Variants in IPO8 observed in about 807,000 individuals in gnomAD.
IPO8 encodes importin-8.
Under a neutral mutation model 141.2 loss-of-function variants are expected in IPO8, and 65 were observed. The ratio of observed to expected loss-of-function variants is 0.46; its 90% CI spans 0.38 to 0.57. The LOEUF is 0.57. Ranked by LOEUF, IPO8 falls within the 20% of genes least tolerant of loss-of-function variation. The pLI is 0.00. For missense variants in IPO8, 980 were observed against 1,246.8 expected, an observed-to-expected ratio of 0.79 and a Z score of 3.22; for synonymous variants, 411 against 420.3, an observed-to-expected ratio of 0.98 and a Z score of 0.27.
intron 5 of IPO8, among the ~76,000 whole-genome samples, chr12:30,678,526 T>C (rs971066992): frequency 2.0e-5 from 3 of 152,202 alleles, no homozygotes; most frequent in Non-Finnish European, 4.4e-5. Context: ...TTTGTGTAAG[T>C]ACACTCTACA....
chr12:30,688,025 T>C (rs986535759), intron 2 of IPO8, among the ~76,000 whole-genome samples: 2 of 152,110 alleles, frequency 1.3e-5, no homozygotes, highest in African/African-American at 2.4e-5. Flanking sequence ...TCTCTCCTTC[T>C]CGTAGCAACT....
At chr12:30,674,337 C>T (rs139282652) in intron 7 of IPO8, among the ~76,000 whole-genome samples, 2,238 of 152,228 alleles carry the variant, frequency 0.015, 41 homozygotes, top group Non-Finnish European at 0.021. Context: ...TAAAATGTTA[C>T]AACTGACATA....
At chr12:30,664,481 T>C (rs1368351798) in intron 13 of IPO8, among the ~76,000 whole-genome samples, 1 of 152,212 alleles carries the variant, frequency 6.6e-6, no homozygotes, top group Non-Finnish European at 1.5e-5. Context: ...TCTAAAAGAA[T>C]ATACACATAG....
intron 5 of IPO8, among the ~76,000 whole-genome samples, chr12:30,680,111 T>C (rs1379457391): frequency 7.8e-6 from 1 of 127,766 alleles, no homozygotes; most frequent in East Asian, 1.9e-4. Context: ...ACTCCCTTCT[T>C]CTTTTCCTTC....
rs1591948784 is a variant in IPO8, at chr12:30,633,932, T to C, written c.2899+151A>G. ...TTATTTTAATTTCTATCATTTCATG[T>C]ATGTATGTTTGGGGATTTCTATCAT... is the stretch of plus-strand genomic sequence containing the variant. On this transcript the variant is annotated intron_variant, in intron 23 of 24. Coordinates refer to ENST00000256079, the MANE Select transcript of IPO8 (RefSeq NM_006390.4). 5 of 619,114 alleles carry C rather than the reference T, an allele frequency of 8.1e-6. No homozygotes were observed. In the Admixed American group the frequency reaches 1.5e-4, roughly 18 times the overall value. The allele number at this position is 619,114 out of a possible 1,614,324, so 38.4% of individuals were successfully genotyped here.
At chr12:30,677,101 C>T (rs956667982) in intron 5 of IPO8, 2 of 1,507,120 alleles carry the variant, frequency 1.3e-6, no homozygotes, top group African/African-American at 1.4e-5. Flanking sequence ...CCATTCAGTA[C>T]AAAACATGCT....
chr12:30,674,911 T>G (rs1382107167), intron 6 of IPO8, among the ~76,000 whole-genome samples, 158 bp from the exon 7 acceptor site: 1 of 152,174 alleles, frequency 6.6e-6, no homozygotes, highest in Non-Finnish European at 1.5e-5. Flanking sequence ...TAGGCAGGAA[T>G]TAAATAAGCA....
At chr12:30,639,233 T>A (rs2052544719) in intron 21 of IPO8, among the ~76,000 whole-genome samples, 1 of 151,946 alleles carries the variant, frequency 6.6e-6, no homozygotes, top group Non-Finnish European at 1.5e-5. Flanking sequence ...GACAACTAAT[T>A]CTTGTTGCCT....
chr12:30,652,452 G>A (rs2052741472), intron 18 of IPO8, among the ~76,000 whole-genome samples, 163 bp from the exon 19 acceptor site: 1 of 152,008 alleles, frequency 6.6e-6, no homozygotes, highest in Admixed American at 6.6e-5. Flanking sequence ...TTTATAGATG[G>A]GGAAAATGTG....
rs2052918460 is a variant in IPO8 at position 30,663,557 on chromosome 12, T to C, written c.1526A>G (p.Asp509Gly). ...TTCAACTTTGACAGGCATCTCTTTA[T>C]CTTCAATCAGGCTCTTCTTCGCTAA... ...VELAKKSLIE[D>G]KEMPVKVEAA... Residue 509 changes from aspartate to glycine, a missense_variant, in exon 14 of 25, where the codon GAT (aspartate) becomes GGT (glycine). By Grantham distance (94) the Asp-to-Gly change is moderately conservative. Transcript: ENST00000256079. 1.2e-6 allele frequency: 2 copies of C among 1,613,930 alleles called. No homozygotes were observed. The highest frequency in any genetic ancestry group is 1.7e-6 in the Non-Finnish European group (2 of 1,179,938).
At chr12:30,668,742 GC>G (rs2053004742) in intron 10 of IPO8, among the ~76,000 whole-genome samples, 1 of 152,140 alleles carries the variant, frequency 6.6e-6, no homozygotes, top group Non-Finnish European at 1.5e-5. Flanking sequence ...ACACAGTAGG[GC>G]CCCCATACGA....
intron 22 of IPO8, 82 bp from the exon 23 acceptor site, chr12:30,634,368 T>C (rs1278347187): frequency 1.2e-5 from 13 of 1,128,294 alleles, no homozygotes; most frequent in African/African-American, 1.6e-5. Context: ...CCAAAGACTA[T>C]AAAACTACAC....
rs1336220103 is a variant in IPO8 at position 30,680,154 on chromosome 12, T to C, written c.639+328A>G. Among the ~76,000 whole-genome samples the C allele has an allele frequency of 4.0e-5, 6 of 149,588 alleles. No homozygotes were observed. The East Asian group carries it at 1.2e-3, about 29-fold the overall frequency. ...CCTTCTTCTTTTCCTTCTTCTTCTC[T>C]TGTAATCATAACTAATCTATAGGCA... On this transcript the variant is annotated intron_variant, in intron 5 of 24. Transcript: ENST00000256079.
chr12:30,684,759 C>T (rs1172098476), intron 2 of IPO8, among the ~76,000 whole-genome samples: 2 of 152,190 alleles, frequency 1.3e-5, no homozygotes, highest in Admixed American at 1.3e-4. Context: ...TCATACTTTT[C>T]GCAATGCCTA....
chr12:30,694,498 AT>A (rs1347681139), intron 1 of IPO8, among the ~76,000 whole-genome samples: 1 of 152,174 alleles, frequency 6.6e-6, no homozygotes, highest in African/African-American at 2.4e-5. Flanking sequence ...CAACAGAAAC[AT>A]TTACTTAGGA....
chr12:30,689,485 C>A (rs2053271349), intron 2 of IPO8, among the ~76,000 whole-genome samples: 1 of 152,140 alleles, frequency 6.6e-6, no homozygotes, highest in Non-Finnish European at 1.5e-5. Flanking sequence ...ATTCCAACAT[C>A]AGTGTTTTTC....
At chr12:30,672,958 A>T (rs962659041) in intron 8 of IPO8, among the ~76,000 whole-genome samples, 25 of 143,842 alleles carry the variant, frequency 1.7e-4, no homozygotes, top group Non-Finnish European at 9.1e-5. Context: ...AGAGCTATTT[A>T]AAAAAAAAAA....
intron 3 of IPO8, among the ~76,000 whole-genome samples, chr12:30,682,857 A>G (rs562236401): frequency 1.3e-5 from 2 of 152,278 alleles, no homozygotes; most frequent in Non-Finnish European, 2.9e-5. Flanking sequence ...TAATACTCTT[A>G]AACTTTGAGA....
chr12:30,633,768 A>C (rs2052464987), intron 23 of IPO8, among the ~76,000 whole-genome samples: 1 of 152,228 alleles, frequency 6.6e-6, no homozygotes, highest in African/African-American at 2.4e-5. Flanking sequence ...TTTGCTATAA[A>C]AATGCTTGCC....
Sources: gnomAD v4.1 joint callset for allele counts (sites outside exome capture counted in the v4.1 genomes callset) on GRCh38, gnomAD v4.1.1 for gene constraint, MANE v1.5 for transcripts, NCBI Gene and HGNC (gene_info 2026-07-23, HGNC 2026-07-21) for gene names.